The following ATXN7L1 variants were observed in gnomAD, a reference collection of about 807,000 sequenced individuals.
The protein encoded by ATXN7L1 is ataxin-7-like protein 1.
In ATXN7L1, 15 loss-of-function variants were observed where a neutral mutation model predicts 70.8. The observed-to-expected ratio is 0.21, with a 90% CI of 0.14 to 0.33. The LOEUF (loss-of-function observed/expected upper bound fraction) is 0.33, where lower values mean the gene tolerates loss of function less well. Among genes scored for constraint, ATXN7L1 ranks in the 10% least tolerant of loss-of-function variants. The pLI is 1.00. For missense variants in ATXN7L1, 975 were observed against 1,097.1 expected, an observed-to-expected ratio of 0.89 and a Z score of 1.57; for synonymous variants, 440 against 445.1, an observed-to-expected ratio of 0.99 and a Z score of 0.14.
intron 3 of ATXN7L1, chr7:105,677,923 T>A (rs1804950122): frequency 1.0e-6 from 1 of 984,350 alleles, no homozygotes. Context: ...GCTAAGCTCA[T>A]GGTGTCGCTC....
chr7:105,823,793 G>C (rs1810479728), intron 2 of ATXN7L1, among the ~76,000 whole-genome samples: 1 of 152,208 alleles, frequency 6.6e-6, no homozygotes, highest in Non-Finnish European at 1.5e-5. Flanking sequence ...CAGAGTGGAG[G>C]AAACAGTGAT....
chr7:105,676,284 T>C (rs1804635376), intron 3 of ATXN7L1, among the ~76,000 whole-genome samples: 1 of 152,028 alleles, frequency 6.6e-6, no homozygotes, highest in Non-Finnish European at 1.5e-5. Flanking sequence ...TCCATCAGAG[T>C]AGCCCCCTCC....
intron 2 of ATXN7L1, among the ~76,000 whole-genome samples, chr7:105,843,751 A>C (rs1813566283): frequency 6.6e-6 from 1 of 152,210 alleles, no homozygotes; most frequent in Non-Finnish European, 1.5e-5. Context: ...AAGAGACAGG[A>C]GATAAGAAAA....
intron 2 of ATXN7L1, among the ~76,000 whole-genome samples, chr7:105,874,123 CAAAAAAA>C (rs766696244): frequency 6.8e-4 from 49 of 71,972 alleles, no homozygotes; most frequent in African/African-American, 1.4e-3. Flanking sequence ...GAATCCGTAT[CAAAAAAA>C]AAAAAAAAAA....
At chr7:105,825,102 A>G (rs1452292445) in intron 2 of ATXN7L1, among the ~76,000 whole-genome samples, 1 of 152,328 alleles carries the variant, frequency 6.6e-6, no homozygotes, top group Middle Eastern at 3.4e-3. Flanking sequence ...CAATACGAAA[A>G]TGTCTTTAAA....
intron 2 of ATXN7L1, among the ~76,000 whole-genome samples, chr7:105,856,886 C>G (rs1815818520): frequency 6.6e-6 from 1 of 151,898 alleles, no homozygotes; most frequent in African/African-American, 2.4e-5. Context: ...GAAAGCAAAA[C>G]AAACACTAAC....
intron 3 of ATXN7L1, among the ~76,000 whole-genome samples, chr7:105,692,424 T>TCCTTCCCTCCCTCCTTCCTTCCTCCCTC: frequency 1.1e-5 from 1 of 88,086 alleles, no homozygotes; most frequent in Non-Finnish European, 2.3e-5. Flanking sequence ...CTTCCTTCCT[T>TCCTTCCCTCCCTCCTTCCTTCCTCCCTC]CCTCCCTCCC....
chr7:105,715,403 C>T (rs1351275698), intron 3 of ATXN7L1, among the ~76,000 whole-genome samples: 3 of 152,234 alleles, frequency 2.0e-5, no homozygotes, highest in Admixed American at 6.5e-5. Context: ...ATAGCAGCCT[C>T]GGTACTTCCT....
chr7:105,727,777 T>TATACACACACACACAC (rs1462125950), intron 3 of ATXN7L1, among the ~76,000 whole-genome samples: 1 of 90,246 alleles, frequency 1.1e-5, no homozygotes, highest in African/African-American at 6.1e-5. Flanking sequence ...TATATATATA[T>TATACACACACACACAC]ACACACACAT....
At chr7:105,847,837 A>G (rs1814295278) in intron 2 of ATXN7L1, among the ~76,000 whole-genome samples, 1 of 152,260 alleles carries the variant, frequency 6.6e-6, no homozygotes, top group African/African-American at 2.4e-5. Flanking sequence ...TCTTGTCAGC[A>G]TAACTATTCA....
At chr7:105,818,893 AT>A (rs36115790) in intron 2 of ATXN7L1, among the ~76,000 whole-genome samples, 63,383 of 146,338 alleles carry the variant, frequency 0.43, 13,611 homozygotes, top group East Asian at 0.58. Context: ...TACCCACTGC[AT>A]TTTTTTTTTT....
At chr7:105,646,968 C>A (rs1799139420) in intron 4 of ATXN7L1, among the ~76,000 whole-genome samples, 1 of 151,856 alleles carries the variant, frequency 6.6e-6, no homozygotes, top group Non-Finnish European at 1.5e-5. Flanking sequence ...TTAGAAGAAT[C>A]TGTTCTGTTC....
intron 3 of ATXN7L1, among the ~76,000 whole-genome samples, chr7:105,783,781 G>A (rs1803874230): frequency 6.6e-6 from 1 of 152,162 alleles, no homozygotes; most frequent in Admixed American, 6.5e-5. Flanking sequence ...TCTGTGAGTT[G>A]TTATAGCCAA....
At chr7:105,741,789 G>A (rs1021866068) in intron 3 of ATXN7L1, among the ~76,000 whole-genome samples, 2 of 152,164 alleles carry the variant, frequency 1.3e-5, no homozygotes, top group African/African-American at 2.4e-5. Context: ...TCATTACAGA[G>A]GGAACTCTGG....
At chr7:105,725,614 T>A (rs1386912275) in intron 3 of ATXN7L1, among the ~76,000 whole-genome samples, 2 of 148,436 alleles carry the variant, frequency 1.3e-5, no homozygotes, top group Non-Finnish European at 3.0e-5. Context: ...GGAGTCTCAC[T>A]CTGTCATCCA....
intron 3 of ATXN7L1, among the ~76,000 whole-genome samples, chr7:105,688,631 A>T (rs561560526): frequency 2.6e-5 from 4 of 152,206 alleles, no homozygotes; most frequent in Non-Finnish European, 5.9e-5. Flanking sequence ...GCCCTGGCGT[A>T]AGCGCCAATG....
In ATXN7L1 at chr7:105,607,686, CT is replaced by C. The variant is rs981889626; in HGVS notation, c.*165del. ...AATTCACCTTCTTTTGCCTTTTTAA[CT>C]AAAAATTGGTCAATTAAAAAAAGAA... On this transcript the variant is annotated 3_prime_UTR_variant, in exon 12 of 12. Coordinates refer to ENST00000419735, the MANE Select transcript of ATXN7L1 (RefSeq NM_020725.2). 167 of 581,760 alleles carry C rather than the reference CT, an allele frequency of 2.9e-4. No individual in the cohort carries two copies. The highest frequency in any genetic ancestry group is 2.8e-3 in the African/African-American group (153 of 53,734). The allele number at this position is 581,760 out of a possible 1,614,324, so 36.0% of individuals were successfully genotyped here.
intron 3 of ATXN7L1, among the ~76,000 whole-genome samples, chr7:105,729,297 G>GAATAAATA (rs1322917144): frequency 3.2e-5 from 4 of 126,172 alleles, no homozygotes; most frequent in Non-Finnish European, 4.9e-5. Flanking sequence ...ATGAATGAAT[G>GAATAAATA]AATGAATAAA....
In ATXN7L1 at chr7:105,861,255, G is replaced by A. The variant is rs115944195; in HGVS notation, c.250+14557C>T. On this transcript the variant is annotated intron_variant, in intron 2 of 11. Transcript: ENST00000419735. Reference sequence around the variant, plus strand: ...ATGCTGTGTTAACTGGTCGATGAGGGAGTGCTGAGAGGTTTTCACTTGAGG... The same window carrying A: ...ATGCTGTGTTAACTGGTCGATGAGGAAGTGCTGAGAGGTTTTCACTTGAGG... Among the ~76,000 whole-genome samples the A allele has an allele frequency of 1.6e-3, 240 of 152,342 alleles. 2 individuals are homozygous for A. Among genetic ancestry groups the A allele is most frequent in the African/African-American group, 5.5e-3 (230 of 41,570 alleles).
Sources: gnomAD v4.1 joint callset for allele counts (sites outside exome capture counted in the v4.1 genomes callset) on GRCh38, gnomAD v4.1.1 for gene constraint, MANE v1.5 for transcripts, NCBI Gene and HGNC (gene_info 2026-07-23, HGNC 2026-07-21) for gene names.